Variants in HADHB observed in about 807,000 individuals in gnomAD.
The protein encoded by HADHB is trifunctional enzyme subunit beta, mitochondrial.
HADHB carries 50 observed loss-of-function variants against 61.9 expected under a neutral mutation model. The observed-to-expected ratio is 0.81, with a 90% confidence interval of 0.64 to 1.02. HADHB has a LOEUF of 1.02. Ranked by LOEUF, HADHB falls within the 50% of genes least tolerant of loss-of-function variation. The probability of loss-of-function intolerance (pLI) is 0.00; values close to 1 mark genes in which losing one functional copy is unlikely to be tolerated. For synonymous variants in HADHB, 191 were observed against 201.6 expected (o/e 0.95, Z 0.45); for missense variants, 504 against 586.5 (o/e 0.86, Z 1.45).
chr2:26,249,814 G>A (rs1312268952), intron 1 of HADHB, among the ~76,000 whole-genome samples: 2 of 152,002 alleles, frequency 1.3e-5, no homozygotes, highest in Non-Finnish European at 2.9e-5. Flanking sequence ...AGGCAATGCC[G>A]TGCATGGTTG....
chr2:26,282,916 A>G lies in HADHB; in HGVS notation c.1005A>G (p.Ala335=). Residue 335 remains alanine (A), a synonymous_variant, in exon 11 of 16, where the codon GCA becomes GCG. Transcript: ENST00000317799. The stretch of plus-strand genomic sequence containing the variant: ...TGGCCATGGGTTATAAGCCGAAGGC[A>G]TATTTGAGGTAAAGTAAATGTTCAA... ...KALAMGYKPK[A]YLRDFMYVSQ... 6.2e-7 allele frequency: 1 copy of G among 1,610,082 alleles called. No individual in the cohort carries two copies. The highest frequency in any genetic ancestry group is 1.3e-5 in the African/African-American group (1 of 74,958).
At chr2:26,256,015 T>C (rs764532701) in intron 3 of HADHB, among the ~76,000 whole-genome samples, 25 of 152,250 alleles carry the variant, frequency 1.6e-4, no homozygotes, top group Non-Finnish European at 2.9e-4. Flanking sequence ...TATCTGGTGT[T>C]TAAACTATTC....
chr2:26,247,229 C>T (rs1283270472), intron 1 of HADHB, among the ~76,000 whole-genome samples: 1 of 152,200 alleles, frequency 6.6e-6, no homozygotes, highest in East Asian at 1.9e-4. Context: ...CCCTAACCAA[C>T]TCGATCCTAC....
chr2:26,248,299 TTAAC>T (rs1470609875), intron 1 of HADHB, among the ~76,000 whole-genome samples: 3 of 152,242 alleles, frequency 2.0e-5, no homozygotes, highest in Non-Finnish European at 4.4e-5. Context: ...TATAACTTAC[TTAAC>T]TGTTTCCTAC....
intron 6 of HADHB, among the ~76,000 whole-genome samples, chr2:26,276,383 C>CAATT (rs1342105850): frequency 6.6e-6 from 1 of 152,188 alleles, no homozygotes; most frequent in Non-Finnish European, 1.5e-5. Flanking sequence ...GTAACTCAGG[C>CAATT]AATTCTCCAG....
At chr2:26,252,694 A>G (rs1671448517) in intron 1 of HADHB, among the ~76,000 whole-genome samples, 1 of 152,186 alleles carries the variant, frequency 6.6e-6, no homozygotes, top group South Asian at 2.1e-4. Context: ...GCTGCATAGT[A>G]TTTCACAGGG....
chr2:26,261,088 C>T, intron 3 of HADHB: 1 of 1,157,574 alleles, frequency 8.6e-7, no homozygotes, highest in Non-Finnish European at 1.2e-6. Flanking sequence ...TACTCTGAAT[C>T]TAATCAGCTT....
At chr2:26,254,174 A>G in intron 1 of HADHB, 73 bp from the exon 2 acceptor site, 1 of 785,106 alleles carries the variant, frequency 1.3e-6, no homozygotes, top group East Asian at 2.4e-5. Flanking sequence ...AGGTTATCAG[A>G]GTTCATAGAC....
chr2:26,280,187 T>C, intron 10 of HADHB, 72 bp downstream of exon 10: 1 of 1,233,816 alleles, frequency 8.1e-7, no homozygotes, highest in Middle Eastern at 1.9e-4. Flanking sequence ...AAGCCTAATA[T>C]AACTTTTTGT....
intron 1 of HADHB, among the ~76,000 whole-genome samples, chr2:26,246,385 C>T (rs1574634685): frequency 6.7e-6 from 1 of 149,668 alleles, no homozygotes; most frequent in African/African-American, 2.5e-5. Flanking sequence ...TCTTGTTGTC[C>T]AGGCTGGAGT....
At chr2:26,285,831 G>A (rs1005764450) in intron 15 of HADHB, among the ~76,000 whole-genome samples, 1 of 138,578 alleles carries the variant, frequency 7.2e-6, no homozygotes, top group Non-Finnish European at 1.5e-5. Context: ...TCCACTTCCC[G>A]GATTCAGGTG....
At chr2:26,246,239 T>C (rs1295893963) in intron 1 of HADHB, among the ~76,000 whole-genome samples, 1 of 152,212 alleles carries the variant, frequency 6.6e-6, no homozygotes, top group Non-Finnish European at 1.5e-5. Context: ...TCAGAAGTGG[T>C]AAATTTTGTT....
chr2:26,276,800 C>T (rs559296015), intron 6 of HADHB, among the ~76,000 whole-genome samples: 2 of 152,190 alleles, frequency 1.3e-5, no homozygotes, highest in South Asian at 4.2e-4. Flanking sequence ...AGCAAAACAT[C>T]GATAAGAAAT....
intron 3 of HADHB, among the ~76,000 whole-genome samples, chr2:26,259,151 A>G (rs990717617): frequency 2.6e-5 from 4 of 152,156 alleles, no homozygotes; most frequent in East Asian, 1.9e-4. Flanking sequence ...TTCATTTTCA[A>G]GGGTTCTGTC....
intron 5 of HADHB, among the ~76,000 whole-genome samples, chr2:26,271,346 A>G (rs1448408033): frequency 2.6e-5 from 4 of 151,932 alleles, no homozygotes; most frequent in Non-Finnish European, 5.9e-5. Flanking sequence ...CATCTCTACT[A>G]AAAATACAAA....
intron 3 of HADHB, among the ~76,000 whole-genome samples, chr2:26,256,546 T>TAC (rs397984129): frequency 8.9e-6 from 1 of 112,662 alleles, no homozygotes; most frequent in East Asian, 2.7e-4. Context: ...TATATATATA[T>TAC]ACACACACAC....
At chr2:26,246,837 A>G (rs1340921776) in intron 1 of HADHB, among the ~76,000 whole-genome samples, 2 of 152,168 alleles carry the variant, frequency 1.3e-5, no homozygotes, top group African/African-American at 2.4e-5. Context: ...AATGGTTTAT[A>G]TAGAGGGAAA....
chr2:26,289,853 C>A, intron 15 of HADHB, 65 bp from the exon 16 acceptor site: 1 of 1,058,984 alleles, frequency 9.4e-7, no homozygotes, highest in Non-Finnish European at 1.5e-6. Context: ...TTGTTCTCTG[C>A]TGTCCCTGTA....
At chr2:26,289,116 G>T (rs1389688122) in intron 15 of HADHB, among the ~76,000 whole-genome samples, 1 of 152,112 alleles carries the variant, frequency 6.6e-6, no homozygotes, top group Non-Finnish European at 1.5e-5. Flanking sequence ...CGGACGTGGT[G>T]GCGGGCGCCT....
Sources: gnomAD v4.1 joint callset for allele counts (sites outside exome capture counted in the v4.1 genomes callset) on GRCh38, gnomAD v4.1.1 for gene constraint, MANE v1.5 for transcripts, NCBI Gene and HGNC (gene_info 2026-07-23, HGNC 2026-07-21) for gene names.